The following SP140L variants were observed in gnomAD, a reference collection of about 807,000 sequenced individuals.
The protein encoded by SP140L is nuclear body protein SP140-like protein.
In SP140L, 64 loss-of-function variants were observed where a neutral mutation model predicts 84.3. That is an observed-to-expected ratio of 0.76 (90% CI 0.62 to 0.94). The LOEUF is 0.94. SP140L is among the 40% of genes least tolerant of loss of function. The probability of loss-of-function intolerance (pLI) is 0.00; values close to 1 mark genes in which losing one functional copy is unlikely to be tolerated. For synonymous variants in SP140L, 242 were observed against 236.9 expected (o/e 1.02, Z -0.20); for missense variants, 628 against 692.5 (o/e 0.91, Z 1.05).
At chr2:230,329,212 T>C (rs1218196072) in intron 2 of SP140L, among the ~76,000 whole-genome samples, 1 of 152,226 alleles carries the variant, frequency 6.6e-6, no homozygotes, top group Non-Finnish European at 1.5e-5. Context: ...AAGTCGTTCT[T>C]CTGTTAAGGT....
intron 2 of SP140L, among the ~76,000 whole-genome samples, chr2:230,337,085 G>A (rs964436339): frequency 6.6e-6 from 1 of 152,152 alleles, no homozygotes; most frequent in African/African-American, 2.4e-5. Context: ...TTCCACAATG[G>A]TTGAACTAGT....
At chr2:230,331,189 TGAGA>T (rs968701905) in intron 2 of SP140L, among the ~76,000 whole-genome samples, 19 of 152,214 alleles carry the variant, frequency 1.2e-4, no homozygotes, top group African/African-American at 4.1e-4. Flanking sequence ...TTCAATCTTT[TGAGA>T]GAGAGAAAGA....
intron 1 of SP140L, among the ~76,000 whole-genome samples, chr2:230,328,449 AT>A (rs2059639673): frequency 1.3e-5 from 2 of 152,170 alleles, no homozygotes; most frequent in African/African-American, 4.8e-5. Context: ...ATTTCTACTC[AT>A]TTTAATGGTG....
intron 2 of SP140L, among the ~76,000 whole-genome samples, chr2:230,345,704 A>G (rs1016601512): frequency 6.6e-6 from 1 of 151,424 alleles, no homozygotes; most frequent in African/African-American, 2.4e-5. Context: ...AAAATATCTT[A>G]TAGCTATATC....
intron 7 of SP140L, among the ~76,000 whole-genome samples, chr2:230,374,630 T>G (rs576271710): frequency 2.0e-5 from 3 of 152,312 alleles, no homozygotes; most frequent in Admixed American, 2.0e-4. Flanking sequence ...TGTCTTATTT[T>G]AAGAAATTGT....
At position 230,343,440 on chromosome 2, in the gene SP140L, T is replaced by A. The variant is rs1317732051; in HGVS notation, c.108-14365T>A. Reference sequence around the variant, plus strand: ...GTTCCTATTTATGGGTGCATAGTATTCCATGGTGTATGTGTACCACATTTT... The same window carrying A: ...GTTCCTATTTATGGGTGCATAGTATACCATGGTGTATGTGTACCACATTTT... On this transcript the variant is annotated intron_variant, in intron 2 of 18. Coordinates refer to ENST00000415673, the MANE Select transcript of SP140L (RefSeq NM_138402.6). 4.1e-5 allele frequency among the ~76,000 whole-genome samples: 6 copies of A among 147,924 alleles called. No homozygotes were observed. In the Admixed American group the frequency reaches 4.1e-4, roughly 10 times the overall value.
At chr2:230,356,207 T>C (rs928111638) in intron 2 of SP140L, among the ~76,000 whole-genome samples, 2 of 152,178 alleles carry the variant, frequency 1.3e-5, no homozygotes, top group Admixed American at 1.3e-4. Flanking sequence ...TTTAAAATGG[T>C]TAAATGTACT....
intron 12 of SP140L, among the ~76,000 whole-genome samples, chr2:230,393,019 T>G (rs2061889080): frequency 1.3e-5 from 2 of 152,156 alleles, no homozygotes; most frequent in East Asian, 1.9e-4. Flanking sequence ...CCCATCTTCA[T>G]GTACCCAAGA....
At chr2:230,387,854 T>A (rs544041791) in intron 9 of SP140L, among the ~76,000 whole-genome samples, 1 of 152,328 alleles carries the variant, frequency 6.6e-6, no homozygotes, top group African/African-American at 2.4e-5. Context: ...TCCTCATGGT[T>A]AACCTTCTTC....
At chr2:230,361,214 A>G (rs1004966993) in intron 4 of SP140L, among the ~76,000 whole-genome samples, 12 of 152,118 alleles carry the variant, frequency 7.9e-5, no homozygotes, top group African/African-American at 2.4e-4. Context: ...ACCATCCCAC[A>G]GTTCTACGAT....
chr2:230,392,538 C>G (rs1232528973), intron 12 of SP140L, among the ~76,000 whole-genome samples: 2 of 152,046 alleles, frequency 1.3e-5, no homozygotes, highest in African/African-American at 2.4e-5. Flanking sequence ...TCAAGCAGGG[C>G]AAGAAGACAC....
At chr2:230,327,363 G>C in intron 1 of SP140L, 62 bp downstream of exon 1, 2 of 1,563,538 alleles carry the variant, frequency 1.3e-6, no homozygotes, top group Non-Finnish European at 1.7e-6. Context: ...TTTCATGCCT[G>C]TAGTTCAGTT....
At chr2:230,355,645 C>T (rs1376424033) in intron 2 of SP140L, among the ~76,000 whole-genome samples, 1 of 152,130 alleles carries the variant, frequency 6.6e-6, no homozygotes, top group Non-Finnish European at 1.5e-5. Context: ...TGGTATTCAA[C>T]ACAAAATCAT....
At chr2:230,341,797 G>C (rs1406219535) in intron 2 of SP140L, among the ~76,000 whole-genome samples, 1 of 152,164 alleles carries the variant, frequency 6.6e-6, no homozygotes, top group Non-Finnish European at 1.5e-5. Context: ...TCCCAGTTAG[G>C]CTGTTCGGGG....
chr2:230,393,494 T>C, intron 13 of SP140L, 33 bp downstream of exon 13: 4 of 1,543,604 alleles, frequency 2.6e-6, no homozygotes, highest in Non-Finnish European at 3.5e-6. Context: ...CAGATTCTTG[T>C]CACACAACAG....
chr2:230,354,049 T>C (rs983578682), intron 2 of SP140L, among the ~76,000 whole-genome samples: 1 of 152,190 alleles, frequency 6.6e-6, no homozygotes, highest in Non-Finnish European at 1.5e-5. Flanking sequence ...TTAAGTTTGT[T>C]GATATAATTT....
intron 7 of SP140L, among the ~76,000 whole-genome samples, chr2:230,381,624 G>A (rs967812428): frequency 6.6e-6 from 1 of 151,976 alleles, no homozygotes; most frequent in African/African-American, 2.4e-5. Flanking sequence ...GGGAGACCAA[G>A]GCAGAAGGAT....
intron 8 of SP140L, 70 bp downstream of exon 8, chr2:230,383,645 G>T (rs1260343220): frequency 8.8e-6 from 13 of 1,476,136 alleles, no homozygotes; most frequent in African/African-American, 2.8e-5. Context: ...ATTCTGGAAG[G>T]CCTGCAGTTC....
At chr2:230,387,996 T>C (rs1489705468) in intron 9 of SP140L, among the ~76,000 whole-genome samples, 1 of 152,196 alleles carries the variant, frequency 6.6e-6, no homozygotes, top group Non-Finnish European at 1.5e-5. Flanking sequence ...AGCATACATC[T>C]CACCTATGGA....
Sources: gnomAD v4.1 joint callset for allele counts (sites outside exome capture counted in the v4.1 genomes callset) on GRCh38, gnomAD v4.1.1 for gene constraint, MANE v1.5 for transcripts, NCBI Gene and HGNC (gene_info 2026-07-23, HGNC 2026-07-21) for gene names.